MYT1L: variants seen among roughly 807,000 people sequenced by gnomAD.
MYT1L encodes the protein myelin transcription factor 1 like, also known as myelin transcription factor 1-like protein.
MYT1L carries 12 observed loss-of-function variants against 126.7 expected under a neutral mutation model. The observed-to-expected ratio is 0.09, with a 90% confidence interval of 0.06 to 0.15. The LOEUF is 0.15. MYT1L is among the 10% of genes least tolerant of loss of function. MYT1L has a pLI of 1.00. For missense variants in MYT1L, 979 were observed against 1,585.2 expected, an observed-to-expected ratio of 0.62 and a Z score of 6.49; for synonymous variants, 541 against 604.2, an observed-to-expected ratio of 0.90 and a Z score of 1.53.
At chr2:1,939,388 C>T (rs1411859752) in intron 9 of MYT1L, among the ~76,000 whole-genome samples, 1 of 152,122 alleles carries the variant, frequency 6.6e-6, no homozygotes, top group East Asian at 1.9e-4. Flanking sequence ...AGGAATGGGA[C>T]CCCCCAGCTT....
chr2:2,244,255 GT>G (rs1408981259), intron 2 of MYT1L, among the ~76,000 whole-genome samples: 1 of 152,142 alleles, frequency 6.6e-6, no homozygotes, highest in Non-Finnish European at 1.5e-5. Context: ...GAAAAGGGTA[GT>G]TTTCCCAAAG....
At chr2:2,179,494 T>A (rs1272715540) in intron 2 of MYT1L, among the ~76,000 whole-genome samples, 2 of 152,214 alleles carry the variant, frequency 1.3e-5, no homozygotes, top group African/African-American at 2.4e-5. Flanking sequence ...TAAGTCCACA[T>A]AGTGACCATG....
intron 3 of MYT1L, among the ~76,000 whole-genome samples, chr2:2,131,503 T>C (rs867392956): frequency 8.5e-5 from 13 of 152,314 alleles, no homozygotes; most frequent in South Asian, 8.3e-4. Context: ...ACTGATTAGA[T>C]TGATAAATGT....
chr2:1,874,107 G>C (rs1318421725), intron 18 of MYT1L, among the ~76,000 whole-genome samples: 1 of 152,096 alleles, frequency 6.6e-6, no homozygotes, highest in Non-Finnish European at 1.5e-5. Context: ...GCCGGCCTGA[G>C]ATGAATGCCC....
chr2:2,000,556 G>A (rs2062264552), intron 4 of MYT1L, among the ~76,000 whole-genome samples: 1 of 152,200 alleles, frequency 6.6e-6, no homozygotes, highest in African/African-American at 2.4e-5. Flanking sequence ...CAGGGTGGGT[G>A]TGGTGTGTAG....
intron 3 of MYT1L, among the ~76,000 whole-genome samples, chr2:2,118,720 T>G (rs2080556694): frequency 6.6e-6 from 1 of 152,188 alleles, no homozygotes. Flanking sequence ...TCAGTGAAAC[T>G]TGAATTATTA....
intron 1 of MYT1L, among the ~76,000 whole-genome samples, chr2:2,299,762 A>G (rs1421802023): frequency 6.6e-6 from 1 of 152,220 alleles, no homozygotes; most frequent in African/African-American, 2.4e-5. Context: ...ACTCTTACTC[A>G]CAAAGGAGAG....
At chr2:1,847,015 G>A (rs935073729) in intron 19 of MYT1L, among the ~76,000 whole-genome samples, 1 of 152,206 alleles carries the variant, frequency 6.6e-6, no homozygotes, top group Non-Finnish European at 1.5e-5. Flanking sequence ...AGGCCTTTGG[G>A]ATCCCTGTTG....
Position 1,910,533 on chromosome 2 carries a change from A to G in MYT1L, c.1710-186T>C, listed in dbSNP as rs576770055. On this transcript the variant is annotated intron_variant, in intron 12 of 24. Transcript: ENST00000647738. This position sits in a 1 kb window ranked among gnomAD's most constrained non-coding sequence, Gnocchi z 4.8. Reference sequence around the variant, plus strand: ...GGGAGGTAGTCATGTTTCCAGGTGCATGCTTTCTGCTGGTCTCCAGCAGAG... The same window carrying G: ...GGGAGGTAGTCATGTTTCCAGGTGCGTGCTTTCTGCTGGTCTCCAGCAGAG... Among the ~76,000 whole-genome samples the G allele has an allele frequency of 2.0e-5, 3 of 152,100 alleles. No individual in the cohort carries two copies. Among genetic ancestry groups the G allele is most frequent in the Admixed American group, 2.0e-4 (3 of 15,274 alleles).
intron 13 of MYT1L, among the ~76,000 whole-genome samples, chr2:1,908,534 G>C (rs557741585): frequency 6.6e-6 from 1 of 152,338 alleles, no homozygotes; most frequent in Admixed American, 6.5e-5. Flanking sequence ...GCTTCTTGGG[G>C]GTCTGGCCAA....
At chr2:2,063,547 T>TA (rs1258147559) in intron 3 of MYT1L, among the ~76,000 whole-genome samples, 1 of 151,852 alleles carries the variant, frequency 6.6e-6, no homozygotes, top group Admixed American at 6.6e-5. Flanking sequence ...GAACTTGGAT[T>TA]AAAAAAAAGA....
intron 1 of MYT1L, among the ~76,000 whole-genome samples, chr2:2,318,000 C>T (rs2096095762): frequency 6.6e-6 from 1 of 152,110 alleles, no homozygotes; most frequent in African/African-American, 2.4e-5. Context: ...GGAGGAAGGA[C>T]GAGATGTGTG....
At chr2:1,998,769 T>G (rs528408754) in intron 4 of MYT1L, among the ~76,000 whole-genome samples, 1 of 152,236 alleles carries the variant, frequency 6.6e-6, no homozygotes, top group South Asian at 2.1e-4. Flanking sequence ...AACATTACCA[T>G]GAACTCTGAA....
At chr2:2,182,145 A>G (rs1272242703) in intron 2 of MYT1L, among the ~76,000 whole-genome samples, 1 of 149,588 alleles carries the variant, frequency 6.7e-6, no homozygotes, top group African/African-American at 2.5e-5. Context: ...TGTGTCTTGG[A>G]ACTGTGGCCA....
chr2:1,934,167 G>A (rs910831825), intron 9 of MYT1L, among the ~76,000 whole-genome samples: 62 of 151,128 alleles, frequency 4.1e-4, no homozygotes, highest in South Asian at 1.0e-3. Flanking sequence ...GTAGAGACGG[G>A]GTTTCATCGT....
At chr2:1,828,211 C>A (rs1307418830) in intron 21 of MYT1L, 3 of 152,050 alleles carry the variant, frequency 2.0e-5, no homozygotes, top group African/African-American at 2.4e-5. Context: ...ATGCAGGCGT[C>A]CTGTTTGGGA....
chr2:2,229,569 G>A (rs1489624281), intron 2 of MYT1L, among the ~76,000 whole-genome samples: 3 of 151,988 alleles, frequency 2.0e-5, no homozygotes, highest in Non-Finnish European at 4.4e-5. Flanking sequence ...AGCCTCCTGA[G>A]TAGCTGGGAA....
At chr2:2,094,667 C>T (rs1369924578) in intron 3 of MYT1L, among the ~76,000 whole-genome samples, 2 of 149,662 alleles carry the variant, frequency 1.3e-5, no homozygotes, top group Non-Finnish European at 2.9e-5. Flanking sequence ...CAAACTATCA[C>T]AAGGACAAAA....
Position 1,887,735 on chromosome 2 carries a change from C to A in MYT1L, c.2521-126G>T. On this transcript the variant is annotated intron_variant, in intron 16 of 24. Coordinates refer to ENST00000647738, the MANE Select transcript of MYT1L (RefSeq NM_001303052.2). This position sits in a 1 kb window ranked among gnomAD's most constrained non-coding sequence, Gnocchi z 4.8. Reference sequence around the variant, plus strand: ...CTCTTTCTGCTGTACCTTTAAGATCCTTTTGGTCCTGATAACGCCCCTACT... The same window carrying A: ...CTCTTTCTGCTGTACCTTTAAGATCATTTTGGTCCTGATAACGCCCCTACT... 1 of 1,149,482 alleles carries A rather than the reference C, an allele frequency of 8.7e-7. No individual in the cohort carries two copies. Among genetic ancestry groups the A allele is most frequent in the South Asian group, 1.4e-5 (1 of 70,832 alleles). The allele number at this position is 1,149,482 out of a possible 1,614,324, so 71.2% of individuals were successfully genotyped here.
Sources: allele counts gnomAD v4.1 joint callset (sites outside exome capture counted in the v4.1 genomes callset), GRCh38; gene constraint gnomAD v4.1.1; non-coding constraint Gnocchi (gnomAD v3.1); transcripts MANE v1.5; gene names NCBI Gene and HGNC (gene_info 2026-07-23, HGNC 2026-07-21).